Variants in PARVA observed in about 807,000 individuals in gnomAD.
PARVA encodes the protein alpha-parvin.
Under a neutral mutation model 52.6 loss-of-function variants are expected in PARVA, and 25 were observed. The ratio of observed to expected loss-of-function variants is 0.48; its 90% CI spans 0.35 to 0.66. The LOEUF (loss-of-function observed/expected upper bound fraction) is 0.66. Among genes scored for constraint, PARVA ranks in the 30% least tolerant of loss-of-function variants. The pLI is 0.01. For missense variants in PARVA, 373 were observed against 450.9 expected (o/e 0.83, Z 1.56); for synonymous variants, 185 against 179.1 (o/e 1.03, Z -0.26).
chr11:12,384,829 G>A (rs1264066355), intron 1 of PARVA, among the ~76,000 whole-genome samples: 3 of 152,168 alleles, frequency 2.0e-5, no homozygotes, highest in Non-Finnish European at 4.4e-5. Flanking sequence ...GGTGTAACAA[G>A]AGGAAGGGCA....
At chr11:12,409,238 G>C (rs988314345) in intron 1 of PARVA, among the ~76,000 whole-genome samples, 2 of 152,170 alleles carry the variant, frequency 1.3e-5, no homozygotes, top group Admixed American at 1.3e-4. Context: ...GGTGTGCCTG[G>C]TACACAGAGA....
intron 1 of PARVA, among the ~76,000 whole-genome samples, chr11:12,431,717 G>A (rs1203781494): frequency 6.6e-6 from 1 of 152,230 alleles, no homozygotes; most frequent in Non-Finnish European, 1.5e-5. Flanking sequence ...GCCTGTATCT[G>A]CATGGCCCTG....
intron 4 of PARVA, among the ~76,000 whole-genome samples, chr11:12,483,856 G>A (rs897122911): frequency 2.6e-5 from 4 of 152,218 alleles, no homozygotes; most frequent in African/African-American, 9.6e-5. Context: ...TCTCATGGGA[G>A]CAGCCCTAGC....
At chr11:12,511,894 G>A (rs1233934068) in intron 8 of PARVA, among the ~76,000 whole-genome samples, 1 of 152,206 alleles carries the variant, frequency 6.6e-6, no homozygotes, top group Non-Finnish European at 1.5e-5. Context: ...TTAACTCCGA[G>A]TTTATTATTC....
intron 1 of PARVA, among the ~76,000 whole-genome samples, chr11:12,418,254 C>T (rs1006646650): frequency 3.3e-5 from 5 of 152,210 alleles, no homozygotes; most frequent in African/African-American, 4.8e-5. Flanking sequence ...CAGACACTCC[C>T]AGTCCCTGGG....
intron 9 of PARVA, 180 bp downstream of exon 9, chr11:12,513,540 C>T (rs1371036695): frequency 2.8e-6 from 2 of 718,426 alleles, no homozygotes; most frequent in Non-Finnish European, 5.1e-6. Context: ...GGATGTTGCA[C>T]CTGGGCCTTT....
chr11:12,478,009 C>A (rs146035670), intron 4 of PARVA, 60 bp downstream of exon 4: 2 of 900,332 alleles, frequency 2.2e-6, no homozygotes, highest in Non-Finnish European at 3.8e-6. Flanking sequence ...GGATCACCTA[C>A]TTGTAGCTAG....
chr11:12,454,160 A>G (rs1940662669), intron 1 of PARVA, among the ~76,000 whole-genome samples: 1 of 152,138 alleles, frequency 6.6e-6, no homozygotes, highest in African/African-American at 2.4e-5. Context: ...TGGATCCAGG[A>G]AGTGGGCGGA....
In PARVA at chr11:12,534,196, TC is replaced by T. The variant is rs1385065579; in HGVS notation, c.*6273del. ...AAAACAAAACAAAACAAAACAAAAA[TC>T]CATGAACAAGTGGACCTGCCCAGTT... On this transcript the variant is annotated 3_prime_UTR_variant, in exon 13 of 13. Transcript: ENST00000334956. Among the ~76,000 whole-genome samples the T allele has an allele frequency of 2.0e-5, 3 of 151,964 alleles. No individual in the cohort carries two copies. The highest frequency in any genetic ancestry group is 4.4e-5 in the Non-Finnish European group (3 of 67,984).
At chr11:12,460,052 G>A (rs1160531833) in intron 1 of PARVA, among the ~76,000 whole-genome samples, 1 of 152,222 alleles carries the variant, frequency 6.6e-6, no homozygotes, top group African/African-American at 2.4e-5. Context: ...ACGTGGGAAT[G>A]CAGAAGTGAC....
Position 12,528,237 on chromosome 11 carries a change from G to T in PARVA, c.*312G>T. The stretch of plus-strand genomic sequence containing the variant: ...AGCTTAGGCAAAAGAGTCCCCACAA[G>T]ATGAAAATAAAGATCCTAGTTACCA... On this transcript the variant is annotated 3_prime_UTR_variant, in exon 13 of 13. Coordinates refer to ENST00000334956, the MANE Select transcript of PARVA (RefSeq NM_018222.5). The T allele has an allele frequency of 4.8e-6, 2 of 413,948 alleles. No homozygotes were observed. Among genetic ancestry groups the T allele is most frequent in the Non-Finnish European group, 8.8e-6 (2 of 226,294 alleles). The allele number at this position is 413,948 out of a possible 1,614,324, so 25.6% of individuals were successfully genotyped here.
Position 12,508,569 on chromosome 11 carries a change from C to A in PARVA, c.658-15C>A. The stretch of plus-strand genomic sequence containing the variant: ...TCTCTTCTCCTCCCAACCCCTTTCC[C>A]CACCCCCATTTCAGAAACGAGAAGG... On this transcript the variant is annotated splice_polypyrimidine_tract_variant and intron_variant, in intron 6 of 12. Coordinates refer to ENST00000334956, the MANE Select transcript of PARVA (RefSeq NM_018222.5). 1 of 1,601,894 alleles carries A rather than the reference C, an allele frequency of 6.2e-7. No individual in the cohort carries two copies. Among genetic ancestry groups the A allele is most frequent in the Non-Finnish European group, 8.5e-7 (1 of 1,170,596 alleles).
At chr11:12,391,851 T>C (rs1313518076) in intron 1 of PARVA, among the ~76,000 whole-genome samples, 4 of 152,184 alleles carry the variant, frequency 2.6e-5, no homozygotes, top group Non-Finnish European at 4.4e-5. Context: ...GAGTGGGCAC[T>C]TTTTTAATAT....
intron 1 of PARVA, among the ~76,000 whole-genome samples, chr11:12,390,523 G>A (rs1370680618): frequency 6.6e-6 from 1 of 152,170 alleles, no homozygotes; most frequent in Admixed American, 6.5e-5. Context: ...ACAGAACCTG[G>A]CAGAATGTAG....
intron 6 of PARVA, among the ~76,000 whole-genome samples, chr11:12,505,497 A>C (rs1941422405): frequency 6.6e-6 from 1 of 152,212 alleles, no homozygotes; most frequent in Non-Finnish European, 1.5e-5. Flanking sequence ...ACCTCTGGGT[A>C]CTTAACTCCA....
chr11:12,430,879 A>G (rs114821225), intron 1 of PARVA, among the ~76,000 whole-genome samples: 356 of 152,296 alleles, frequency 2.3e-3, no homozygotes, highest in African/African-American at 8.3e-3. Flanking sequence ...TTTTCCCTCA[A>G]CCATGCCACA....
chr11:12,511,614 G>A, intron 8 of PARVA, 81 bp downstream of exon 8: 1 of 1,442,608 alleles, frequency 6.9e-7, no homozygotes. Context: ...GGAGGAACAG[G>A]CTCTCAGCTT....
Position 12,377,645 on chromosome 11 carries a change from GC to G in PARVA, c.-1del. ...ACCGGCCCGCGGCAGCCTGCGCCGC[GC>G]CATGGCCACCTCCCCGCAGAAGTCG... On this transcript the variant is annotated 5_prime_UTR_variant, in exon 1 of 13. Transcript: ENST00000334956. The G allele has an allele frequency of 6.4e-7, 1 of 1,568,212 alleles. No individual in the cohort carries two copies. Among genetic ancestry groups the G allele is most frequent in the African/African-American group, 1.4e-5 (1 of 70,436 alleles).
intron 4 of PARVA, among the ~76,000 whole-genome samples, chr11:12,486,580 T>A (rs1240758378): frequency 1.3e-5 from 2 of 152,040 alleles, no homozygotes; most frequent in Non-Finnish European, 2.9e-5. Context: ...GTGCGGTGGC[T>A]CATGCCTGTA....
Sources: gnomAD v4.1 joint callset for allele counts (sites outside exome capture counted in the v4.1 genomes callset) on GRCh38, gnomAD v4.1.1 for gene constraint, MANE v1.5 for transcripts, NCBI Gene and HGNC (gene_info 2026-07-23, HGNC 2026-07-21) for gene names.